Variants in KCNT2 observed in about 807,000 individuals in gnomAD.
The protein encoded by KCNT2 is potassium channel subfamily T member 2.
A neutral mutation model predicts 153.8 loss-of-function variants in KCNT2; 67 were observed. The ratio of observed to expected loss-of-function variants is 0.44; its 90% CI spans 0.36 to 0.53. The LOEUF (loss-of-function observed/expected upper bound fraction) is 0.53, where lower values mean the gene tolerates loss of function less well. Ranked by LOEUF, KCNT2 falls within the 20% of genes least tolerant of loss-of-function variation. The pLI is 0.00. For synonymous variants in KCNT2, 500 were observed against 458.8 expected (o/e 1.09, Z -1.15); for missense variants, 975 against 1,354.8 (o/e 0.72, Z 4.40).
intron 8 of KCNT2, among the ~76,000 whole-genome samples, chr1:196,445,360 A>G (rs1675596854): frequency 6.6e-6 from 1 of 151,418 alleles, no homozygotes; most frequent in African/African-American, 2.4e-5. Context: ...CCAGATAACA[A>G]GACCAAATAG....
At chr1:196,256,571 C>T (rs1275017719) in intron 26 of KCNT2, among the ~76,000 whole-genome samples, 1 of 121,462 alleles carries the variant, frequency 8.2e-6, no homozygotes, top group African/African-American at 2.5e-5. Flanking sequence ...TATTTTTCAA[C>T]ATTTCCTTAT....
intron 4 of KCNT2, among the ~76,000 whole-genome samples, chr1:196,481,028 ATAC>A (rs1678980287): frequency 3.3e-5 from 5 of 152,160 alleles, no homozygotes; most frequent in South Asian, 2.1e-4. Context: ...AGAGATTAAA[ATAC>A]TACATTTTAA....
At chr1:196,278,354 GAATTT>G (rs1200500187) in intron 25 of KCNT2, among the ~76,000 whole-genome samples, 1 of 152,102 alleles carries the variant, frequency 6.6e-6, no homozygotes, top group Non-Finnish European at 1.5e-5. Context: ...ACAATAGGCA[GAATTT>G]AATTTAATAA....
chr1:196,329,817 GTA>G (rs919349900), intron 18 of KCNT2, among the ~76,000 whole-genome samples: 1 of 142,430 alleles, frequency 7.0e-6, no homozygotes, highest in Non-Finnish European at 1.5e-5. Context: ...GTGCATATAG[GTA>G]TATATATGTA....
At position 196,226,495 on chromosome 1, in the gene KCNT2, A is replaced by T. The variant is rs1653501253; in HGVS notation, c.*1729T>A. 1 of 152,026 alleles carries T rather than the reference A, an allele frequency of 6.6e-6. No homozygotes were observed. The highest frequency in any genetic ancestry group is 2.1e-4 in the South Asian group (1 of 4,832). 9.4% of individuals were successfully genotyped at this position (152,026 alleles called of 1,614,324 possible). On this transcript the variant is annotated 3_prime_UTR_variant, in exon 28 of 28. Transcript: ENST00000294725. ...CCCAATTTTAGCTAACCTGTTATAA[A>T]TTCTACTTCTCTGATCAAAGTAGAT...
intron 14 of KCNT2, among the ~76,000 whole-genome samples, chr1:196,371,058 C>T (rs775521022): frequency 4.6e-5 from 7 of 151,744 alleles, no homozygotes; most frequent in Admixed American, 1.3e-4. Flanking sequence ...AAATTCTTTA[C>T]GTTCATTTAT....
intron 1 of KCNT2, among the ~76,000 whole-genome samples, chr1:196,579,330 G>A (rs955419148): frequency 1.3e-5 from 2 of 152,058 alleles, no homozygotes; most frequent in Non-Finnish European, 2.9e-5. Context: ...CTTGAGGATG[G>A]AGGGTCGGGG....
intron 12 of KCNT2, among the ~76,000 whole-genome samples, chr1:196,412,505 G>T (rs1190767489): frequency 6.6e-6 from 1 of 151,612 alleles, no homozygotes; most frequent in East Asian, 1.9e-4. Flanking sequence ...ATTCGGAGTG[G>T]GTTGCAACAG....
chr1:196,368,279 C>T (rs1477165466), intron 14 of KCNT2, among the ~76,000 whole-genome samples: 2 of 152,126 alleles, frequency 1.3e-5, no homozygotes, highest in East Asian at 1.9e-4. Context: ...TTCCAGTCTC[C>T]GGATCTCATC....
chr1:196,316,056 A>G (rs1558135687), intron 20 of KCNT2, 30 bp from the exon 21 acceptor site: 1 of 1,596,376 alleles, frequency 6.3e-7, no homozygotes, highest in Non-Finnish European at 8.6e-7. Flanking sequence ...AGAAAAACAA[A>G]CATTAAATAA....
At chr1:196,490,784 G>A (rs1221612727) in intron 2 of KCNT2, among the ~76,000 whole-genome samples, 1 of 151,736 alleles carries the variant, frequency 6.6e-6, no homozygotes, top group African/African-American at 2.4e-5. Flanking sequence ...ATTAATATGA[G>A]CATTATCTTT....
rs542345042 is a variant in KCNT2 at position 196,366,195 on chromosome 1, T to G, written c.1403+6945A>C. On this transcript the variant is annotated intron_variant, in intron 14 of 27. Transcript: ENST00000294725. ...TTTTTTTGAGACAGAGTTTCGCTCTTTTTGCCCAGGCTGGAGTGCAATGGC... is the reference window on the plus strand; with the variant it reads ...TTTTTTTGAGACAGAGTTTCGCTCTGTTTGCCCAGGCTGGAGTGCAATGGC... 4.7e-4 allele frequency among the ~76,000 whole-genome samples: 72 copies of G among 151,938 alleles called. 1 individual carries two copies. In the South Asian group the frequency reaches 5.6e-3, roughly 12 times the overall value.
At position 196,316,032 on chromosome 1, in the gene KCNT2, A is replaced by G. The variant is rs762744414; in HGVS notation, c.2349-6T>C. The G allele has an allele frequency of 8.1e-6, 13 of 1,608,404 alleles. No individual in the cohort carries two copies. The highest frequency in any genetic ancestry group is 5.9e-6 in the Non-Finnish European group (7 of 1,176,642). ...ACCTGAGTAAGTCATCTAGGCTTTG[A>G]TAAAAATCAACAGAGAAAAACAAAC... On this transcript the variant is annotated splice_region_variant and splice_polypyrimidine_tract_variant and intron_variant, in intron 20 of 27. Transcript: ENST00000294725.
chr1:196,454,962 T>C (rs1319286035), intron 8 of KCNT2, among the ~76,000 whole-genome samples: 1 of 151,948 alleles, frequency 6.6e-6, no homozygotes, highest in East Asian at 1.9e-4. Flanking sequence ...TTCAGTTCCA[T>C]GTGATTGTTG....
intron 3 of KCNT2, among the ~76,000 whole-genome samples, chr1:196,488,337 A>G (rs1179838171): frequency 6.6e-6 from 1 of 152,014 alleles, no homozygotes; most frequent in Non-Finnish European, 1.5e-5. Flanking sequence ...CATGGGAGCT[A>G]AACAGAACAT....
chr1:196,228,328 T>G lies in KCNT2; in HGVS notation c.3304A>C (p.Ile1102Leu). The change falls in exon 28 of 28, where the codon ATT (isoleucine) becomes CTT (leucine). Residue 1102 changes from isoleucine (I) to leucine (L), a missense_variant. Ile to Leu is a conservative substitution (Grantham distance 5, BLOSUM62 2). This residue lies in a region of KCNT2 where 241 missense variants were observed against 271.1 expected (regional missense o/e 0.89). Coordinates refer to ENST00000294725, the MANE Select transcript of KCNT2 (RefSeq NM_198503.5). The stretch of plus-strand genomic sequence containing the variant: ...AGGTAGGCCAGTGGATCTGGTCGAA[T>G]TAAGTATCTAATAAAAGAAAACAAA... The part of the protein sequence containing the change: ...RIELNDVVYL[I>L]RPDPLAYLPN... 6.3e-7 allele frequency: 1 copy of G among 1,583,572 alleles called. No homozygotes were observed. Among genetic ancestry groups the G allele is most frequent in the Non-Finnish European group, 8.7e-7 (1 of 1,155,122 alleles).
At chr1:196,558,142 A>T (rs6664020) in intron 1 of KCNT2, among the ~76,000 whole-genome samples, 148,877 of 151,424 alleles carry the variant, frequency 0.98, 73,226 homozygotes, top group Middle Eastern at 1. Flanking sequence ...GATTCTTATT[A>T]CTAATTAGAA....
chr1:196,574,580 A>G (rs1473738693), intron 1 of KCNT2, among the ~76,000 whole-genome samples: 5 of 151,936 alleles, frequency 3.3e-5, no homozygotes, highest in Non-Finnish European at 7.4e-5. Context: ...TACGTTAAAT[A>G]TTCCAAATTT....
intron 1 of KCNT2, among the ~76,000 whole-genome samples, chr1:196,591,439 T>G (rs1663352553): frequency 6.6e-6 from 1 of 152,038 alleles, no homozygotes; most frequent in Non-Finnish European, 1.5e-5. Flanking sequence ...CTAACACACT[T>G]GTCATATACC....
Sources: allele counts gnomAD v4.1 joint callset (sites outside exome capture counted in the v4.1 genomes callset), GRCh38; gene constraint gnomAD v4.1.1; regional missense constraint gnomAD v4.1.1; transcripts MANE v1.5; gene names NCBI Gene and HGNC (gene_info 2026-07-23, HGNC 2026-07-21).